FAM171A1: variants seen among roughly 807,000 people sequenced by gnomAD.
FAM171A1 encodes protein FAM171A1.
A neutral mutation model predicts 74.9 loss-of-function variants in FAM171A1; 23 were observed. The observed-to-expected ratio is 0.31, with a 90% CI of 0.22 to 0.44. The LOEUF is 0.44. FAM171A1 is among the 20% of genes least tolerant of loss of function. The probability of loss-of-function intolerance (pLI) is 1.00; values close to 1 mark genes in which losing one functional copy is unlikely to be tolerated. For missense variants in FAM171A1, 1,162 were observed against 1,159.2 expected (o/e 1.00, Z -0.03); for synonymous variants, 527 against 505.7 (o/e 1.04, Z -0.57).
chr10:15,290,849 G>T (rs1453330619), intron 1 of FAM171A1, among the ~76,000 whole-genome samples: 1 of 152,108 alleles, frequency 6.6e-6, no homozygotes, highest in Non-Finnish European at 1.5e-5. Flanking sequence ...GCTTTGTGCA[G>T]GGGCCCTTGT....
At chr10:15,371,580 G>A (rs1470153597), upstream of FAM171A1, among the ~76,000 whole-genome samples, 2 of 152,190 alleles carry the variant, frequency 1.3e-5, no homozygotes, top group Non-Finnish European at 2.9e-5. Context: ...CCATCCTAAT[G>A]TAGTTGTGTC....
At chr10:15,228,719 C>T (rs533500065) in intron 5 of FAM171A1, among the ~76,000 whole-genome samples, 1 of 152,302 alleles carries the variant, frequency 6.6e-6, no homozygotes, top group South Asian at 2.1e-4. Flanking sequence ...CACCCAGCAG[C>T]ATAAAGGGTC....
chr10:15,340,995 T>G (rs986028787), intron 1 of FAM171A1, among the ~76,000 whole-genome samples: 1 of 152,228 alleles, frequency 6.6e-6, no homozygotes. Context: ...AATAGTCTAA[T>G]GCTTTCAAAT....
chr10:15,370,234 A>G (rs1221114013), intron 1 of FAM171A1, among the ~76,000 whole-genome samples: 1 of 127,714 alleles, frequency 7.8e-6, no homozygotes, highest in Non-Finnish European at 1.6e-5. Context: ...TCTGGAAAGG[A>G]TTTTTCTTTT....
intron 5 of FAM171A1, among the ~76,000 whole-genome samples, chr10:15,226,483 C>A (rs1421680561): frequency 2.0e-5 from 3 of 152,198 alleles, no homozygotes; most frequent in African/African-American, 7.2e-5. Context: ...AGCTTCCCTG[C>A]ATGAGGGCAA....
intron 5 of FAM171A1, among the ~76,000 whole-genome samples, chr10:15,226,747 TG>T (rs1834112603): frequency 6.6e-6 from 1 of 152,152 alleles, no homozygotes; most frequent in Non-Finnish European, 1.5e-5. Context: ...AATACAGAGG[TG>T]GGGATTATAA....
intron 1 of FAM171A1, among the ~76,000 whole-genome samples, chr10:15,326,048 T>C (rs1307562968): frequency 1.3e-5 from 2 of 152,210 alleles, no homozygotes; most frequent in Non-Finnish European, 2.9e-5. Context: ...TCACGAACTG[T>C]TCAGCAAAAG....
intron 1 of FAM171A1, among the ~76,000 whole-genome samples, chr10:15,298,912 T>C (rs1024624427): frequency 3.3e-5 from 5 of 152,250 alleles, no homozygotes; most frequent in East Asian, 1.9e-4. Flanking sequence ...TTCTGTTTCA[T>C]TGGTATTTTA....
chr10:15,244,156 C>A (rs537320092), intron 5 of FAM171A1, among the ~76,000 whole-genome samples: 25 of 152,116 alleles, frequency 1.6e-4, no homozygotes, highest in Admixed American at 1.4e-3. Flanking sequence ...GAGTTCGAGA[C>A]CACCTAGGCA....
intron 7 of FAM171A1, 87 bp downstream of exon 7, chr10:15,215,909 A>T: frequency 2.6e-6 from 2 of 761,036 alleles, no homozygotes; most frequent in Non-Finnish European, 2.0e-6. Flanking sequence ...TAAAAAAAAA[A>T]CCCACCTCCA....
intron 5 of FAM171A1, among the ~76,000 whole-genome samples, chr10:15,230,540 G>T (rs977236693): frequency 6.6e-6 from 1 of 152,180 alleles, no homozygotes; most frequent in African/African-American, 2.4e-5. Context: ...TCATGAATGT[G>T]TTGAATATTA....
chr10:15,283,152 G>A (rs979559363), intron 2 of FAM171A1, among the ~76,000 whole-genome samples: 23 of 152,266 alleles, frequency 1.5e-4, no homozygotes, highest in African/African-American at 5.1e-4. Flanking sequence ...GGGAGGGAGG[G>A]AGTGAGGGAG....
In FAM171A1 at chr10:15,254,842, C is replaced by A. The variant is rs1834557989; in HGVS notation, c.456G>T (p.Arg152Ser). ...RPQPRVHFQR[R>S]ALRLPENTSY... is the part of the protein sequence containing the mutation. ...TGGTGTTCTCAGGCAACCTCAGAGCCCTTCTCTGGAAATGAACGCGAGGCT... is the reference window on the plus strand; with the variant it reads ...TGGTGTTCTCAGGCAACCTCAGAGCACTTCTCTGGAAATGAACGCGAGGCT... The change falls in exon 4 of 8, where the codon AGG becomes AGT. Residue 152 changes from arginine to serine, a missense_variant. By Grantham distance (110) the Arg-to-Ser change is moderately radical. Transcript: ENST00000378116. The A allele has an allele frequency of 6.2e-7, 1 of 1,614,010 alleles. No individual in the cohort carries two copies. The highest frequency in any genetic ancestry group is 8.5e-7 in the Non-Finnish European group (1 of 1,179,962).
chr10:15,242,799 A>G (rs1172935721), intron 5 of FAM171A1, among the ~76,000 whole-genome samples: 1 of 152,178 alleles, frequency 6.6e-6, no homozygotes, highest in African/African-American at 2.4e-5. Flanking sequence ...TCAAAAAAAA[A>G]AGGAAGCGGA....
At chr10:15,241,317 A>C (rs965518923) in intron 5 of FAM171A1, 1 of 152,228 alleles carries the variant, frequency 6.6e-6, no homozygotes, top group Non-Finnish European at 1.5e-5. Flanking sequence ...GTAATATTAG[A>C]ATGGAAAGAA....
chr10:15,228,883 T>A (rs1834145084), intron 5 of FAM171A1, among the ~76,000 whole-genome samples: 2 of 152,292 alleles, frequency 1.3e-5, no homozygotes, highest in South Asian at 2.1e-4. Flanking sequence ...ACTGGTGCAA[T>A]CCTAGAGCCA....
At chr10:15,364,721 G>T (rs548067844) in intron 1 of FAM171A1, among the ~76,000 whole-genome samples, 1 of 152,308 alleles carries the variant, frequency 6.6e-6, no homozygotes, top group Non-Finnish European at 1.5e-5. Context: ...GGAGGCTCTA[G>T]GGTAAAATTG....
intron 3 of FAM171A1, among the ~76,000 whole-genome samples, chr10:15,265,226 G>C (rs7909363): frequency 0.7 from 106,622 of 151,886 alleles, 37,842 homozygotes; most frequent in Admixed American, 0.8. Flanking sequence ...GAGAGAGAAA[G>C]AGCTGCTCAA....
intron 1 of FAM171A1, among the ~76,000 whole-genome samples, chr10:15,324,106 T>C (rs1365242069): frequency 6.6e-6 from 1 of 152,134 alleles, no homozygotes; most frequent in African/African-American, 2.4e-5. Context: ...GCAAGATAAA[T>C]CTGAGCCTTA....
Sources: gnomAD v4.1 joint callset for allele counts (sites outside exome capture counted in the v4.1 genomes callset) on GRCh38, gnomAD v4.1.1 for gene constraint, MANE v1.5 for transcripts, NCBI Gene and HGNC (gene_info 2026-07-23, HGNC 2026-07-21) for gene names.